MLLT3: variants seen among roughly 807,000 people sequenced by gnomAD.
MLLT3 encodes the protein MLLT3 super elongation complex subunit, also known as protein AF-9.
MLLT3 carries 4 observed loss-of-function variants against 53.2 expected under a neutral mutation model. The ratio of observed to expected loss-of-function variants is 0.08; its 90% confidence interval spans 0.04 to 0.17. The LOEUF (loss-of-function observed/expected upper bound fraction) is 0.17. MLLT3 is among the 10% of genes least tolerant of loss of function. The pLI, the probability that MLLT3 is intolerant of heterozygous loss-of-function variation, is 1.00. For synonymous variants in MLLT3, 283 were observed against 230.6 expected, an observed-to-expected ratio of 1.23 and a Z score of -2.06; for missense variants, 569 against 684.0, an observed-to-expected ratio of 0.83 and a Z score of 1.87.
At chr9:20,418,606 GTTTA>G (rs1822933996) in intron 4 of MLLT3, among the ~76,000 whole-genome samples, 3 of 152,096 alleles carry the variant, frequency 2.0e-5, no homozygotes, top group South Asian at 2.1e-4. Flanking sequence ...ACCCAAAAGA[GTTTA>G]TTTGTTTTTT....
At chr9:20,564,977 C>A (rs1026735631) in intron 2 of MLLT3, among the ~76,000 whole-genome samples, 1 of 152,090 alleles carries the variant, frequency 6.6e-6, no homozygotes, top group Non-Finnish European at 1.5e-5. Context: ...TCAGCTTACA[C>A]GTCTTCCATT....
At chr9:20,374,171 C>T (rs1821691522) in intron 5 of MLLT3, among the ~76,000 whole-genome samples, 1 of 152,132 alleles carries the variant, frequency 6.6e-6, no homozygotes, top group Non-Finnish European at 1.5e-5. Context: ...TTGTTTGAAG[C>T]CAGGAGTTCA....
In MLLT3 at chr9:20,469,591, C is replaced by A. The variant is rs899040047; in HGVS notation, c.194-12805G>T. On this transcript the variant is annotated intron_variant, in intron 2 of 10. Coordinates refer to ENST00000380338, the MANE Select transcript of MLLT3 (RefSeq NM_004529.4). ...CTCAATAGAAAGATTAAGGCTTCTG[C>A]CAGTAGTTGAATCTTAAAGTCAAAG... Among the ~76,000 whole-genome samples, 5 of 151,920 alleles carry A rather than the reference C, an allele frequency of 3.3e-5. No homozygotes were observed. The East Asian group carries it at 7.7e-4, about 23-fold the overall frequency.
At chr9:20,350,073 ATAGT>A (rs1489611459) in intron 10 of MLLT3, among the ~76,000 whole-genome samples, 1 of 152,232 alleles carries the variant, frequency 6.6e-6, no homozygotes, top group African/African-American at 2.4e-5. Context: ...AGGAATCCTG[ATAGT>A]TAGAACGTCA....
intron 2 of MLLT3, among the ~76,000 whole-genome samples, chr9:20,567,306 A>T (rs1819403234): frequency 2.0e-5 from 1 of 49,986 alleles, no homozygotes; most frequent in South Asian, 8.5e-4. Context: ...ATATTCAGTA[A>T]AAAAAAAAAA....
At position 20,346,470 on chromosome 9, in the gene MLLT3, ACT is replaced by A; in HGVS notation, c.1678_1679del (p.Ser560LeufsTer12). 1 of 1,613,588 alleles carries A rather than the reference ACT, an allele frequency of 6.2e-7. No individual in the cohort carries two copies. The highest frequency in any genetic ancestry group is 8.5e-7 in the Non-Finnish European group (1 of 1,179,776). On this transcript the variant is annotated frameshift_variant, in exon 11 of 11. Coordinates refer to ENST00000380338, the MANE Select transcript of MLLT3 (RefSeq NM_004529.4). LOFTEE classifies it high-confidence loss of function. ...AGGATGTTCCAGATGTTTCCAGGTA[ACT>A]CTGTAGTTTACGGACTGTGGTTTTG... Reference protein sequence around the residue: ...LDKTTVRKLQSYLETSGTS With the variant: ...LDKTTVRKLQXYLETSGTS
intron 2 of MLLT3, among the ~76,000 whole-genome samples, chr9:20,596,969 C>T (rs1387030663): frequency 1.3e-5 from 2 of 152,204 alleles, no homozygotes; most frequent in East Asian, 3.9e-4. Context: ...TTTCTTTCAA[C>T]AATGTTTTGT....
chr9:20,573,388 C>T (rs1460658026), intron 2 of MLLT3, among the ~76,000 whole-genome samples: 1 of 152,050 alleles, frequency 6.6e-6, no homozygotes, highest in Non-Finnish European at 1.5e-5. Flanking sequence ...CCATGTTGCC[C>T]AGACTAGTCT....
intron 2 of MLLT3, among the ~76,000 whole-genome samples, chr9:20,525,011 G>A (rs1265305677): frequency 3.3e-5 from 5 of 151,668 alleles, no homozygotes; most frequent in Admixed American, 6.6e-5. Flanking sequence ...TTGGCCCAGT[G>A]AGGGTAGAGG....
At chr9:20,558,752 G>C (rs765571098) in intron 2 of MLLT3, among the ~76,000 whole-genome samples, 3 of 152,168 alleles carry the variant, frequency 2.0e-5, no homozygotes, top group Admixed American at 6.5e-5. Context: ...GACATCCCTG[G>C]AATATCACTT....
chr9:20,345,821 T>G lies in MLLT3; in HGVS notation c.*622A>C, dbSNP rs1820850943. 4.5e-6 allele frequency: 1 copy of G among 224,032 alleles called. No homozygotes were observed. The highest frequency in any genetic ancestry group is 2.2e-5 in the African/African-American group (1 of 44,778). 13.9% of individuals were successfully genotyped at this position (224,032 alleles called of 1,614,324 possible). ...TGGTCCCCCCAGTTGATAATCTGTG[T>G]CCTGGAACTGGAAAAACAAAAGGTG... On this transcript the variant is annotated 3_prime_UTR_variant, in exon 11 of 11. Transcript: ENST00000380338.
chr9:20,420,006 G>C (rs984085359), intron 4 of MLLT3, among the ~76,000 whole-genome samples: 4 of 152,164 alleles, frequency 2.6e-5, no homozygotes, highest in Admixed American at 6.6e-5. Context: ...ATTTAGGAAT[G>C]AAAGAGGATT....
chr9:20,360,696 C>T (rs770000684), intron 8 of MLLT3, 46 bp downstream of exon 8: 1 of 1,454,646 alleles, frequency 6.9e-7, no homozygotes, highest in Non-Finnish European at 9.7e-7. Flanking sequence ...AAAATGATTA[C>T]ACCTAGCTCT....
intron 2 of MLLT3, among the ~76,000 whole-genome samples, chr9:20,584,694 C>A (rs1490339987): frequency 6.6e-6 from 1 of 152,138 alleles, no homozygotes; most frequent in Non-Finnish European, 1.5e-5. Flanking sequence ...ACAAGAAAGA[C>A]CAGGCCCCAA....
rs373226105 is a variant in MLLT3, at chr9:20,600,811, C to T, written c.193+19843G>A. Among the ~76,000 whole-genome samples the T allele has an allele frequency of 2.4e-4, 36 of 152,266 alleles. 1 individual carries two copies. The South Asian group carries it at 7.5e-3, about 32-fold the overall frequency. ...TCCAGCCATAACTATAGAGCCTTCC[C>T]CTAGAAAGTAAGGTATACATGACAT... is the stretch of plus-strand genomic sequence containing the variant. On this transcript the variant is annotated intron_variant, in intron 2 of 10. Transcript: ENST00000380338.
chr9:20,393,286 G>T (rs1421341859), intron 5 of MLLT3, among the ~76,000 whole-genome samples: 2 of 152,176 alleles, frequency 1.3e-5, no homozygotes, highest in Non-Finnish European at 2.9e-5. Context: ...TTTTCCAAAT[G>T]TTCCTTAACT....
chr9:20,564,519 C>G (rs1819298832), intron 2 of MLLT3, among the ~76,000 whole-genome samples: 1 of 152,138 alleles, frequency 6.6e-6, no homozygotes, highest in Non-Finnish European at 1.5e-5. Flanking sequence ...CCAGCCTCAC[C>G]TACTAAAAGT....
chr9:20,389,225 G>C (rs1376706470), intron 5 of MLLT3, among the ~76,000 whole-genome samples: 1 of 152,156 alleles, frequency 6.6e-6, no homozygotes, highest in African/African-American at 2.4e-5. Context: ...ACATAAGTAA[G>C]TCCTGGAAAT....
intron 4 of MLLT3, among the ~76,000 whole-genome samples, chr9:20,436,088 G>A (rs1050469363): frequency 2.6e-5 from 4 of 152,108 alleles, no homozygotes; most frequent in African/African-American, 9.7e-5. Flanking sequence ...AATACCCCAT[G>A]GCTTACTTGT....
Sources: gnomAD v4.1 joint callset for allele counts (sites outside exome capture counted in the v4.1 genomes callset) on GRCh38, gnomAD v4.1.1 for gene constraint, MANE v1.5 for transcripts, NCBI Gene and HGNC (gene_info 2026-07-23, HGNC 2026-07-21) for gene names.